ZFP42: variants seen among roughly 807,000 people sequenced by gnomAD.
ZFP42 encodes the protein ZFP42 zinc finger protein.
For missense variants in ZFP42, 438 were observed against 377.1 expected (o/e 1.16, Z -1.34); for synonymous variants, 175 against 144.6 (o/e 1.21, Z -1.51).
chr4:188,000,244 G>A (rs1000860872), intron 3 of ZFP42, among the ~76,000 whole-genome samples: 1 of 152,058 alleles, frequency 6.6e-6, no homozygotes, highest in African/African-American at 2.4e-5. Context: ...TTCAGATTTG[G>A]GATGCACAAG....
At chr4:188,000,554 T>A (rs1687519681) in intron 3 of ZFP42, among the ~76,000 whole-genome samples, 1 of 152,142 alleles carries the variant, frequency 6.6e-6, no homozygotes, top group African/African-American at 2.4e-5. Context: ...TCTTGTATTT[T>A]TAGTAGACAG....
chr4:187,996,507 A>C (rs1378699398), intron 1 of ZFP42, among the ~76,000 whole-genome samples: 1 of 151,552 alleles, frequency 6.6e-6, no homozygotes, highest in Non-Finnish European at 1.5e-5. Flanking sequence ...ACGGGGTTTC[A>C]CCATGTTGGT....
At chr4:187,997,970 GA>G (rs1183810027) in intron 1 of ZFP42, among the ~76,000 whole-genome samples, 2 of 152,134 alleles carry the variant, frequency 1.3e-5, no homozygotes, top group Admixed American at 6.5e-5. Flanking sequence ...TTGTACAGGT[GA>G]AAAAATGTTT....
intron 1 of ZFP42, among the ~76,000 whole-genome samples, chr4:187,998,347 GTAAA>G (rs962172790): frequency 6.6e-6 from 1 of 151,342 alleles, no homozygotes; most frequent in South Asian, 2.1e-4. Context: ...AAAAAAAAAA[GTAAA>G]TAAATAAATG....
In ZFP42 at chr4:188,003,916, A is replaced by G. The variant is rs2111190727; in HGVS notation, c.*176A>G. ...TGATACCGTTTTAAGGACATGGTGCATTTTTTTTTCTTTTATTTGTTTTAT... is the reference window on the plus strand; with the variant it reads ...TGATACCGTTTTAAGGACATGGTGCGTTTTTTTTTCTTTTATTTGTTTTAT... On this transcript the variant is annotated 3_prime_UTR_variant, in exon 4 of 4. Coordinates refer to ENST00000326866, the MANE Select transcript of ZFP42 (RefSeq NM_174900.5). 1.8e-6 allele frequency: 1 copy of G among 552,020 alleles called. No individual in the cohort carries two copies. The highest frequency in any genetic ancestry group is 3.1e-5 in the East Asian group (1 of 31,878). 34.2% of individuals were successfully genotyped at this position (552,020 alleles called of 1,614,324 possible). A position where few individuals can be genotyped will look rare whatever the true frequency, so the allele number is the denominator to read the frequency against.
At chr4:188,001,131 A>G (rs575385484) in intron 3 of ZFP42, among the ~76,000 whole-genome samples, 1 of 151,688 alleles carries the variant, frequency 6.6e-6, no homozygotes, top group Admixed American at 6.6e-5. Flanking sequence ...TATTATATGT[A>G]TTTGTTTTTT....
chr4:188,002,927 A>G lies in ZFP42; in HGVS notation c.120A>G (p.Ile40Met). 6.2e-7 allele frequency: 1 copy of G among 1,614,220 alleles called. No homozygotes were observed. The highest frequency in any genetic ancestry group is 1.7e-5 in the Admixed American group (1 of 60,034). Residue 40 changes from isoleucine to methionine, a missense_variant, in exon 4 of 4, where the codon ATA becomes ATG. By Grantham distance (10) the Ile-to-Met change is conservative (BLOSUM62 1). Coordinates refer to ENST00000326866, the MANE Select transcript of ZFP42 (RefSeq NM_174900.5). ...CAAGCCAAGACCTGCAGGCGGAAAT[A>G]GAACCTGTCAGCGCGGTGTGGGCCT... Reference protein sequence around the residue: ...GKSSQDLQAEIEPVSAVWALC... With the variant: ...GKSSQDLQAEMEPVSAVWALC...
rs762952794 is a variant in ZFP42 at position 188,003,464 on chromosome 4, T to G, written c.657T>G (p.Cys219Trp). Residue 219 changes from cysteine (C) to tryptophan (W), a missense_variant, in exon 4 of 4, where the codon TGT becomes TGG. Transcript: ENST00000326866. The stretch of plus-strand genomic sequence containing the variant: ...TTCATGGTCCCCGAGACCACGTCTG[T>G]GCGGAATGTGGGAAAGCGTTCGTTG... The part of the protein sequence containing the change: ...LLIHGPRDHV[C>W]AECGKAFVES... 6.2e-7 allele frequency: 1 copy of G among 1,613,976 alleles called. No homozygotes were observed. The highest frequency in any genetic ancestry group is 8.5e-7 in the Non-Finnish European group (1 of 1,180,016).
intron 1 of ZFP42, among the ~76,000 whole-genome samples, chr4:187,998,471 T>C (rs1733690882): frequency 6.6e-6 from 1 of 152,232 alleles, no homozygotes; most frequent in East Asian, 1.9e-4. Flanking sequence ...AGCCTACAGT[T>C]GTGTACAGTG....
chr4:188,000,424 C>G (rs925338068), intron 3 of ZFP42, among the ~76,000 whole-genome samples: 1 of 151,522 alleles, frequency 6.6e-6, no homozygotes, highest in Non-Finnish European at 1.5e-5. Flanking sequence ...GAAAGTCGCT[C>G]TGTTGTCCAG....
intron 1 of ZFP42, among the ~76,000 whole-genome samples, chr4:187,996,404 G>A (rs6553123): frequency 0.75 from 113,327 of 151,942 alleles, 43,355 homozygotes; most frequent in East Asian, 1. Context: ...TCCGTCTCCC[G>A]GGTTCAAGGG....
chr4:188,002,403 G>A (rs1421795994), intron 3 of ZFP42, among the ~76,000 whole-genome samples: 1 of 152,146 alleles, frequency 6.6e-6, no homozygotes, highest in Non-Finnish European at 1.5e-5. Context: ...TCTACTCCAT[G>A]GAGGCATAGA....
At chr4:188,000,923 G>A (rs1321702034) in intron 3 of ZFP42, among the ~76,000 whole-genome samples, 1 of 152,124 alleles carries the variant, frequency 6.6e-6, no homozygotes, top group African/African-American at 2.4e-5. Flanking sequence ...TTGAACCCCA[G>A]AGGCGGAGGT....
intron 3 of ZFP42, among the ~76,000 whole-genome samples, chr4:188,001,656 C>T (rs1030724703): frequency 2.6e-5 from 4 of 152,208 alleles, no homozygotes; most frequent in Admixed American, 2.6e-4. Flanking sequence ...TTTCAACAGA[C>T]ACCACAGGAC....
chr4:188,003,120 C>T lies in ZFP42; in HGVS notation c.313C>T (p.Gln105Ter). 1 of 1,614,142 alleles carries T rather than the reference C, an allele frequency of 6.2e-7. No individual in the cohort carries two copies. The highest frequency in any genetic ancestry group is 2.2e-5 in the East Asian group (1 of 44,866). The change falls in exon 4 of 4, where the codon CAG (glutamine) becomes TAG (stop). Residue 105 changes from glutamine (Q) to a stop codon, truncating the protein, a stop_gained. Coordinates refer to ENST00000326866, the MANE Select transcript of ZFP42 (RefSeq NM_174900.5). LOFTEE classifies it low-confidence loss of function (END_TRUNC). ...ATACCTAAAGAAAGGATCAGAACAA[C>T]AGCTTTCTCAAAAGGTTTTCGAAGC... ...LEYLKKGSEQQLSQKVFEASS... is the reference protein window; with the variant it reads ...LEYLKKGSEQ
intron 1 of ZFP42, among the ~76,000 whole-genome samples, chr4:187,997,346 G>A (rs1262850891): frequency 3.5e-5 from 5 of 142,768 alleles, no homozygotes; most frequent in African/African-American, 1.3e-4. Context: ...CGATTCTCCT[G>A]CCTCGGCCTC....
downstream of ZFP42, chr4:188,005,168 G>A (rs78017679): frequency 0.011 from 1,880 of 165,442 alleles, 43 homozygotes; most frequent in African/African-American, 0.043. Context: ...GAGATATGGC[G>A]GGAAGTTGGG....
Position 188,003,525 on chromosome 4 carries a change from A to G in ZFP42, c.718A>G (p.Thr240Ala). 1 of 1,613,744 alleles carries G rather than the reference A, an allele frequency of 6.2e-7. No homozygotes were observed. The highest frequency in any genetic ancestry group is 2.2e-5 in the East Asian group (1 of 44,874). ...ACTAAAGAGACATTTCCTGGTTCAT[A>G]CTGGAGAGAAGCCGTTTCGGTGCAC... ...SKLKRHFLVHTGEKPFRCTFE... is the reference protein window; with the variant it reads ...SKLKRHFLVHAGEKPFRCTFE... Residue 240 changes from threonine (T) to alanine (A), a missense_variant, in exon 4 of 4, where the codon ACT (threonine) becomes GCT (alanine). Physicochemically the swap from Thr to Ala is moderately conservative, Grantham distance 58. Transcript: ENST00000326866.
At position 187,999,201 on chromosome 4, in the gene ZFP42, CCAG is replaced by C. The variant is rs1733717613; in HGVS notation, c.-242_-240del. On this transcript the variant is annotated 5_prime_UTR_variant, in exon 2 of 4. Transcript: ENST00000326866. The stretch of plus-strand genomic sequence containing the variant: ...CCTCAGCCTCCTGAATAGCTGACCA[CCAG>C]CACACTAGGCAAACCCACCCCACTC... The C allele has an allele frequency of 6.6e-6, 1 of 152,362 alleles. No individual in the cohort carries two copies. Among genetic ancestry groups the C allele is most frequent in the Non-Finnish European group, 1.5e-5 (1 of 68,284 alleles). 9.4% of individuals were successfully genotyped at this position (152,362 alleles called of 1,614,324 possible).
Sources: allele counts gnomAD v4.1 joint callset (sites outside exome capture counted in the v4.1 genomes callset), GRCh38; gene constraint gnomAD v4.1.1; transcripts MANE v1.5; gene names NCBI Gene and HGNC (gene_info 2026-07-23, HGNC 2026-07-21).